Variants in ANGPT2 observed in about 807,000 individuals in gnomAD.
ANGPT2 encodes the protein angiopoietin-2.
ANGPT2 carries 28 observed loss-of-function variants against 62.9 expected under a neutral mutation model. The ratio of observed to expected loss-of-function variants is 0.44; its 90% confidence interval spans 0.33 to 0.61. The LOEUF is 0.61. Among genes scored for constraint, ANGPT2 ranks in the 20% least tolerant of loss-of-function variants. The pLI, the probability that ANGPT2 is intolerant of heterozygous loss-of-function variation, is 0.03. For synonymous variants in ANGPT2, 284 were observed against 207.8 expected, an observed-to-expected ratio of 1.37 and a Z score of -3.15; for missense variants, 727 against 594.9, an observed-to-expected ratio of 1.22 and a Z score of -2.31.
intron 1 of ANGPT2, among the ~76,000 whole-genome samples, chr8:6,539,046 TG>T (rs1821023959): frequency 6.6e-6 from 1 of 152,116 alleles, no homozygotes; most frequent in Non-Finnish European, 1.5e-5. Context: ...TGTGTGTGTG[TG>T]TGTTTATTCT....
chr8:6,513,669 C>T lies in ANGPT2; in HGVS notation c.1196+9G>A. 1.9e-6 allele frequency: 3 copies of T among 1,599,334 alleles called. No homozygotes were observed. The highest frequency in any genetic ancestry group is 2.6e-6 in the Non-Finnish European group (3 of 1,173,848). On this transcript the variant is annotated intron_variant, in intron 7 of 8. Transcript: ENST00000629816. ...AATTTTTTCTTTCAATTACCATGAA[C>T]TCACTTACCTATAATTGAGTTCTTC...
rs56882906 is a variant in ANGPT2, at chr8:6,533,569, CT to C, written c.289-1083del. ...ACTCCAGATACTTAGCGTTTAGTTT[CT>C]TTTTTTTTTTTTTTTTTTTTTTAAA... On this transcript the variant is annotated intron_variant, in intron 1 of 8. Coordinates refer to ENST00000629816, the MANE Select transcript of ANGPT2 (RefSeq NM_001118887.2). Among the ~76,000 whole-genome samples the C allele has an allele frequency of 1.5e-3, 169 of 113,340 alleles. 1 individual carries two copies. The highest frequency in any genetic ancestry group is 6.3e-3 in the Middle Eastern group (1 of 160). The allele number at this position is 113,340 out of a possible 152,430, so 74.4% of individuals were successfully genotyped here. A position where few individuals can be genotyped will look rare whatever the true frequency, so the allele number is the denominator to read the frequency against.
chr8:6,521,602 G>A (rs1365245557), intron 3 of ANGPT2, among the ~76,000 whole-genome samples, 192 bp from the exon 4 acceptor site: 1 of 152,198 alleles, frequency 6.6e-6, no homozygotes, highest in Non-Finnish European at 1.5e-5. Flanking sequence ...GTGTATATAT[G>A]TAAACGTATA....
intron 3 of ANGPT2, among the ~76,000 whole-genome samples, chr8:6,521,856 C>G (rs1339480845): frequency 6.6e-6 from 1 of 152,126 alleles, no homozygotes; most frequent in Non-Finnish European, 1.5e-5. Context: ...AATATTAATC[C>G]TAATGATAAT....
intron 1 of ANGPT2, among the ~76,000 whole-genome samples, chr8:6,558,053 T>G (rs1052941924): frequency 2.6e-5 from 4 of 152,178 alleles, no homozygotes; most frequent in African/African-American, 4.8e-5. Flanking sequence ...TTTAGTTACC[T>G]CAGTCTTTCA....
chr8:6,551,108 C>T (rs1218002847), intron 1 of ANGPT2, among the ~76,000 whole-genome samples: 1 of 152,194 alleles, frequency 6.6e-6, no homozygotes, highest in Admixed American at 6.5e-5. Flanking sequence ...TTCCACGGCT[C>T]CTGGGCCCCT....
chr8:6,536,608 A>C (rs1426580309), intron 1 of ANGPT2, among the ~76,000 whole-genome samples: 1 of 152,174 alleles, frequency 6.6e-6, no homozygotes, highest in Non-Finnish European at 1.5e-5. Flanking sequence ...TTTCTTCCAA[A>C]GATTAGTAGT....
rs35379672 is a variant in ANGPT2, at chr8:6,504,317, CAAAAAAAAA to C, written c.1328-1065_1328-1057del. 7.3e-4 allele frequency among the ~76,000 whole-genome samples: 63 copies of C among 85,908 alleles called. 1 individual carries two copies. Among genetic ancestry groups the C allele is most frequent in the African/African-American group, 2.2e-3 (49 of 22,258 alleles). 56.4% of individuals were successfully genotyped at this position (85,908 alleles called of 152,430 possible). A position where few individuals can be genotyped will look rare whatever the true frequency, so the allele number is the denominator to read the frequency against. ...TGGGCGACAGAGTGAGACTCCAGCT[CAAAAAAAAA>C]AAAAAAAAAAAGAATGTATAAACCT... is the stretch of plus-strand genomic sequence containing the variant. On this transcript the variant is annotated intron_variant, in intron 8 of 8. Transcript: ENST00000629816.
At chr8:6,517,307 C>T (rs2129568411) in intron 5 of ANGPT2, among the ~76,000 whole-genome samples, 1 of 152,282 alleles carries the variant, frequency 6.6e-6, no homozygotes, top group South Asian at 2.1e-4. Context: ...GCAAATAATA[C>T]TTGACTTGCT....
intron 5 of ANGPT2, among the ~76,000 whole-genome samples, chr8:6,517,921 T>C (rs1816585375): frequency 6.6e-6 from 1 of 152,246 alleles, no homozygotes. Context: ...AATTGAGGTT[T>C]GTGAAAGCTT....
intron 3 of ANGPT2, 129 bp downstream of exon 3, chr8:6,527,426 C>T (rs1330692022): frequency 4.4e-6 from 5 of 1,128,856 alleles, no homozygotes; most frequent in Non-Finnish European, 4.9e-6. Flanking sequence ...TCTCCTCCCT[C>T]ATGAGGTTTC....
At chr8:6,519,790 G>T in intron 5 of ANGPT2, 74 bp downstream of exon 5, 1 of 1,540,392 alleles carries the variant, frequency 6.5e-7, no homozygotes, top group Non-Finnish European at 8.9e-7. Context: ...AGAGACTTCT[G>T]CTCTCTGGTT....
In ANGPT2 at chr8:6,528,198, G is replaced by A. The variant is rs921099733; in HGVS notation, c.445-522C>T. Among the ~76,000 whole-genome samples the A allele has an allele frequency of 2.6e-5, 4 of 152,196 alleles. No homozygotes were observed. In the East Asian group the frequency reaches 5.8e-4, roughly 22 times the overall value. The stretch of plus-strand genomic sequence containing the variant: ...CAGGCATTAGCCACTGCACCCGGCC[G>A]TTATGTCTCTATCTTGGAAAGTGGT... On this transcript the variant is annotated intron_variant, in intron 2 of 8. Transcript: ENST00000629816.
chr8:6,554,308 GA>G (rs10715108), intron 1 of ANGPT2, among the ~76,000 whole-genome samples: 17,532 of 142,852 alleles, frequency 0.12, 2,684 homozygotes, highest in African/African-American at 0.37. Context: ...TAAAAAGAGA[GA>G]AAAAAAAAAA....
intron 1 of ANGPT2, among the ~76,000 whole-genome samples, chr8:6,553,998 C>T (rs771555264): frequency 1.1e-4 from 16 of 151,846 alleles, no homozygotes; most frequent in East Asian, 1.9e-4. Context: ...CATAGAGAGA[C>T]GAGCGCACAA....
chr8:6,507,322 CAT>C (rs1276754109), intron 8 of ANGPT2, among the ~76,000 whole-genome samples: 1 of 152,154 alleles, frequency 6.6e-6, no homozygotes, highest in East Asian at 1.9e-4. Context: ...GGGTGGGTAA[CAT>C]ATTAATTTTT....
intron 4 of ANGPT2, 48 bp downstream of exon 4, chr8:6,521,130 C>G (rs765156234): frequency 6.7e-7 from 1 of 1,493,210 alleles, no homozygotes; most frequent in Non-Finnish European, 9.2e-7. Context: ...GAGTGTTTTA[C>G]TGACTAAAGG....
intron 5 of ANGPT2, among the ~76,000 whole-genome samples, chr8:6,515,156 T>C (rs1168476040): frequency 6.6e-6 from 1 of 152,116 alleles, no homozygotes; most frequent in Non-Finnish European, 1.5e-5. Context: ...ATCTCCATCC[T>C]GTAGAAAACC....
At chr8:6,528,183 C>A (rs886777415) in intron 2 of ANGPT2, among the ~76,000 whole-genome samples, 1 of 152,200 alleles carries the variant, frequency 6.6e-6, no homozygotes, top group African/African-American at 2.4e-5. Flanking sequence ...CAGGCATTAG[C>A]CACTGCACCC....
Sources: allele counts gnomAD v4.1 joint callset (sites outside exome capture counted in the v4.1 genomes callset), GRCh38; gene constraint gnomAD v4.1.1; transcripts MANE v1.5; gene names NCBI Gene and HGNC (gene_info 2026-07-23, HGNC 2026-07-21).